Variants in UGT1A3 observed in about 807,000 individuals in gnomAD.
UGT1A3 encodes UDP glucuronosyltransferase family 1 member A3.
UGT1A3 carries 31 observed loss-of-function variants against 41.0 expected under a neutral mutation model. The observed-to-expected ratio is 0.76, with a 90% confidence interval of 0.57 to 1.02. The LOEUF is 1.02. Ranked by LOEUF, UGT1A3 falls within the 50% of genes least tolerant of loss-of-function variation. The pLI is 0.00. For synonymous variants in UGT1A3, 262 were observed against 257.6 expected (o/e 1.02, Z -0.17); for missense variants, 737 against 671.0 (o/e 1.10, Z -1.09).
intron 1 of UGT1A3, among the ~76,000 whole-genome samples, chr2:233,752,133 G>T (rs1347949695): frequency 6.6e-6 from 1 of 152,170 alleles, no homozygotes; most frequent in African/African-American, 2.4e-5. Context: ...TGGACAGAAA[G>T]GATCATTCCC....
At chr2:233,765,342 T>G (rs1698805328) in intron 1 of UGT1A3, among the ~76,000 whole-genome samples, 1 of 152,198 alleles carries the variant, frequency 6.6e-6, no homozygotes. Flanking sequence ...AATAACAAAG[T>G]CATGGAACCA....
intron 1 of UGT1A3, chr2:233,743,933 G>A (rs1319527828): frequency 7.4e-7 from 1 of 1,357,164 alleles, no homozygotes; most frequent in Non-Finnish European, 9.8e-7. Flanking sequence ...TGGCCAGAAC[G>A]GCCCACCAGG....
At chr2:233,732,709 C>T (rs540969589) in intron 1 of UGT1A3, among the ~76,000 whole-genome samples, 1 of 150,878 alleles carries the variant, frequency 6.6e-6, no homozygotes, top group Non-Finnish European at 1.5e-5. Context: ...GTTACTGTAG[C>T]CTTGTAGTAC....
chr2:233,733,807 A>T (rs898855226), intron 1 of UGT1A3, among the ~76,000 whole-genome samples: 3 of 152,292 alleles, frequency 2.0e-5, no homozygotes, highest in Admixed American at 6.5e-5. Context: ...TATCAGGATG[A>T]TGCTGGCCTC....
intron 1 of UGT1A3, chr2:233,747,525 C>A: frequency 6.2e-7 from 1 of 1,605,956 alleles, no homozygotes; most frequent in Non-Finnish European, 8.5e-7. Flanking sequence ...TGAAACAGAA[C>A]ATTTTCTGAA....
chr2:233,755,496 C>G (rs1460614171), intron 1 of UGT1A3: 1 of 187,824 alleles, frequency 5.3e-6, no homozygotes, highest in African/African-American at 2.4e-5. Context: ...TGTGATGCTC[C>G]AAGACCAGGC....
At chr2:233,736,815 C>T (rs924470141) in intron 1 of UGT1A3, among the ~76,000 whole-genome samples, 1 of 152,206 alleles carries the variant, frequency 6.6e-6, no homozygotes, top group African/African-American at 2.4e-5. Context: ...GAGGTCCACT[C>T]CAGATGCTCT....
At chr2:233,753,902 T>C (rs1695339006) in intron 1 of UGT1A3, among the ~76,000 whole-genome samples, 1 of 152,224 alleles carries the variant, frequency 6.6e-6, no homozygotes, top group African/African-American at 2.4e-5. Context: ...AACATGCTTC[T>C]TACACCGATT....
chr2:233,770,760 A>G (rs1700148901), intron 4 of UGT1A3: 1 of 152,240 alleles, frequency 6.6e-6, no homozygotes, highest in Non-Finnish European at 1.5e-5. Context: ...CTAATATTAC[A>G]TTATAATAAT....
chr2:233,758,540 T>C (rs145954073), intron 1 of UGT1A3, among the ~76,000 whole-genome samples: 1 of 152,348 alleles, frequency 6.6e-6, no homozygotes, highest in Non-Finnish European at 1.5e-5. Flanking sequence ...GCTATGTCTA[T>C]TCTGCTTGCC....
In UGT1A3 at chr2:233,729,409, G is replaced by C. The variant is rs1264400033; in HGVS notation, c.283G>C (p.Gly95Arg). The change falls in exon 1 of 5, where the codon GGC becomes CGC. Residue 95 changes from glycine to arginine, a missense_variant. Gly to Arg is a moderately radical substitution (Grantham distance 125). Transcript: ENST00000482026. Reference protein sequence around the residue: ...TQDEFDRHVLGHTQLYFETEH... With the variant: ...TQDEFDRHVLRHTQLYFETEH... ...GGATGAATTTGATCGCCATGTGCTG[G>C]GCCACACTCAACTGTACTTTGAAAC... The C allele has an allele frequency of 6.2e-7, 1 of 1,613,762 alleles. No individual in the cohort carries two copies. The highest frequency in any genetic ancestry group is 1.1e-5 in the South Asian group (1 of 91,028).
chr2:233,761,077 T>A, intron 1 of UGT1A3: 1 of 1,614,202 alleles, frequency 6.2e-7, no homozygotes, highest in Non-Finnish European at 8.5e-7. Flanking sequence ...TGTGAAGGAT[T>A]ACCCTAGGCC....
rs2126030402 is a variant in UGT1A3 at position 233,767,100 on chromosome 2, G to A, written c.934G>A (p.Val312Ile). 1 of 1,614,092 alleles carries A rather than the reference G, an allele frequency of 6.2e-7. No homozygotes were observed. The highest frequency in any genetic ancestry group is 8.5e-7 in the Non-Finnish European group (1 of 1,180,010). Residue 312 changes from valine to isoleucine, a missense_variant, in exon 2 of 5, where the codon GTC (valine) becomes ATC (isoleucine). Val to Ile is a conservative substitution (Grantham distance 29). Coordinates refer to ENST00000482026, the MANE Select transcript of UGT1A3 (RefSeq NM_019093.4). ...TGTGGTTTTCTCTTTGGGATCAATGGTCTCAGAAATTCCAGAGAAGAAAGC... is the reference window on the plus strand; with the variant it reads ...TGTGGTTTTCTCTTTGGGATCAATGATCTCAGAAATTCCAGAGAAGAAAGC... The part of the protein sequence containing the change: ...GIVVFSLGSM[V>I]SEIPEKKAMA...
chr2:233,761,042 C>A, intron 1 of UGT1A3: 1 of 1,614,180 alleles, frequency 6.2e-7, no homozygotes, highest in Non-Finnish European at 8.5e-7. Context: ...AGCTCTGCAT[C>A]TGTCTGGCTG....
chr2:233,735,495 A>G (rs1383216559), intron 1 of UGT1A3, among the ~76,000 whole-genome samples: 1 of 152,188 alleles, frequency 6.6e-6, no homozygotes, highest in Non-Finnish European at 1.5e-5. Context: ...TAATTGCAGC[A>G]TTTAGCCCAT....
intron 1 of UGT1A3, among the ~76,000 whole-genome samples, chr2:233,748,343 G>T (rs192012783): frequency 6.6e-6 from 1 of 151,752 alleles, no homozygotes; most frequent in Non-Finnish European, 1.5e-5. Flanking sequence ...GAGACTGTTC[G>T]TTTGTAAAGG....
Position 233,729,585 on chromosome 2 carries a change from C to T in UGT1A3, c.459C>T (p.Pro153=), listed in dbSNP as rs138617806. ...ATSFDVVLTD[P]VNLCAAVLAK... ...CCTTTGATGTGGTTTTAACAGACCC[C>T]GTTAACCTCTGCGCGGCAGTGCTGG... The change falls in exon 1 of 5, where the codon CCC becomes CCT. Residue 153 remains proline, a synonymous_variant. Transcript: ENST00000482026. 5.8e-5 allele frequency: 94 copies of T among 1,614,084 alleles called. 1 individual carries two copies. Among genetic ancestry groups the T allele is most frequent in the East Asian group, 4.2e-4 (19 of 44,882 alleles).
At chr2:233,742,476 C>T (rs1691992737) in intron 1 of UGT1A3, among the ~76,000 whole-genome samples, 1 of 151,926 alleles carries the variant, frequency 6.6e-6, no homozygotes, top group Non-Finnish European at 1.5e-5. Flanking sequence ...AGTAAACTCA[C>T]AACCTTCAGC....
intron 1 of UGT1A3, among the ~76,000 whole-genome samples, chr2:233,748,288 C>A (rs1342062213): frequency 1.3e-5 from 2 of 151,844 alleles, no homozygotes; most frequent in South Asian, 2.1e-4. Flanking sequence ...AAGAGGCAGA[C>A]ATGAATGTTT....
Sources: allele counts gnomAD v4.1 joint callset (sites outside exome capture counted in the v4.1 genomes callset), GRCh38; gene constraint gnomAD v4.1.1; transcripts MANE v1.5; gene names NCBI Gene and HGNC (gene_info 2026-07-23, HGNC 2026-07-21).